The following DDX10 variants were observed in gnomAD, a reference collection of about 807,000 sequenced individuals.
The protein encoded by DDX10 is DEAD-box helicase 10, also known as probable ATP-dependent RNA helicase DDX10.
Under a neutral mutation model 104.3 loss-of-function variants are expected in DDX10, and 74 were observed. That is an observed-to-expected ratio of 0.71 (90% confidence interval 0.59 to 0.86). The LOEUF (loss-of-function observed/expected upper bound fraction) is 0.86. Among genes scored for constraint, DDX10 ranks in the 40% least tolerant of loss-of-function variants. The pLI, the probability that DDX10 is intolerant of heterozygous loss-of-function variation, is 0.00. For synonymous variants in DDX10, 351 were observed against 353.4 expected (o/e 0.99, Z 0.08); for missense variants, 952 against 1,040.0 (o/e 0.92, Z 1.16).
chr11:108,789,211 C>A (rs1316571580), intron 13 of DDX10, among the ~76,000 whole-genome samples: 1 of 152,132 alleles, frequency 6.6e-6, no homozygotes, highest in Non-Finnish European at 1.5e-5. Context: ...TCAATCAGAG[C>A]CAGAGATGAA....
chr11:108,694,051 T>C (rs2094256447), intron 9 of DDX10, among the ~76,000 whole-genome samples: 1 of 152,174 alleles, frequency 6.6e-6, no homozygotes, highest in South Asian at 2.1e-4. Context: ...GTGCATATGC[T>C]GGACAAAGGG....
Position 108,841,343 on chromosome 11 carries a change from A to C in DDX10, c.2114A>C (p.Lys705Thr), listed in dbSNP as rs751081656. 28 of 1,613,314 alleles carry C rather than the reference A, an allele frequency of 1.7e-5. No homozygotes were observed. The Admixed American group carries it at 3.3e-4, about 19-fold the overall frequency. ...ELVQQWPQMQ[K>T]SAIKDAEEDD... ...GTTCAGCAGTGGCCACAAATGCAGA[A>C]ATCTGCCATCAAGGATGCTGAGGAA... is the stretch of plus-strand genomic sequence containing the variant. The change falls in exon 15 of 18, where the codon AAA becomes ACA. Residue 705 changes from lysine to threonine, a missense_variant. Lys to Thr is a moderately conservative substitution (Grantham distance 78). Transcript: ENST00000322536.
intron 13 of DDX10, among the ~76,000 whole-genome samples, chr11:108,827,738 T>G (rs1275762383): frequency 6.6e-6 from 1 of 152,186 alleles, no homozygotes; most frequent in Non-Finnish European, 1.5e-5. Flanking sequence ...CAGCCGAAAC[T>G]TCTTCTCCTT....
chr11:108,792,933 C>G (rs1861890496), intron 13 of DDX10, among the ~76,000 whole-genome samples: 1 of 151,988 alleles, frequency 6.6e-6, no homozygotes, highest in Admixed American at 6.6e-5. Flanking sequence ...TTGTATGTGT[C>G]TTGTACAGAG....
intron 13 of DDX10, among the ~76,000 whole-genome samples, chr11:108,807,381 A>T (rs1862115723): frequency 6.6e-6 from 1 of 152,200 alleles, no homozygotes; most frequent in Admixed American, 6.5e-5. Context: ...AGCAATGTCA[A>T]GCCAGGTGAG....
At chr11:108,815,046 G>A (rs963320323) in intron 13 of DDX10, among the ~76,000 whole-genome samples, 2 of 152,008 alleles carry the variant, frequency 1.3e-5, no homozygotes, top group Admixed American at 6.6e-5. Flanking sequence ...ATTTTTATCA[G>A]CAATTCTTAT....
intron 16 of DDX10, among the ~76,000 whole-genome samples, chr11:108,861,655 G>A (rs1188743150): frequency 2.0e-5 from 3 of 152,160 alleles, no homozygotes; most frequent in Non-Finnish European, 4.4e-5. Flanking sequence ...TACTGGGAAG[G>A]AGTGTGAAGG....
At position 108,862,150 on chromosome 11, in the gene DDX10, C is replaced by T. The variant is rs143675198; in HGVS notation, c.2304+9941C>T. ...CCTCCCGCCTTAGCCTCCTGAGTAG[C>T]GAGGACTACGAGAATGTACCACCAA... is the stretch of plus-strand genomic sequence containing the variant. On this transcript the variant is annotated intron_variant, in intron 16 of 17. Coordinates refer to ENST00000322536, the MANE Select transcript of DDX10 (RefSeq NM_004398.4). 1.9e-4 allele frequency among the ~76,000 whole-genome samples: 29 copies of T among 152,208 alleles called. No individual in the cohort carries two copies. The East Asian group carries it at 4.4e-3, about 23-fold the overall frequency.
chr11:108,916,658 T>C (rs1863754624), intron 16 of DDX10, among the ~76,000 whole-genome samples: 1 of 152,216 alleles, frequency 6.6e-6, no homozygotes, highest in Non-Finnish European at 1.5e-5. Flanking sequence ...ATTGTAAAGA[T>C]GGTAACTGAA....
chr11:108,938,743 T>C (rs1336590818), intron 17 of DDX10, among the ~76,000 whole-genome samples: 1 of 152,158 alleles, frequency 6.6e-6, no homozygotes, highest in Non-Finnish European at 1.5e-5. Context: ...TTTCCTCCAG[T>C]GGTGAAAGAG....
At chr11:108,856,218 T>A (rs943144025) in intron 16 of DDX10, among the ~76,000 whole-genome samples, 1 of 152,132 alleles carries the variant, frequency 6.6e-6, no homozygotes, top group Non-Finnish European at 1.5e-5. Flanking sequence ...TCACCTGCGG[T>A]GAGGGGTTCA....
intron 16 of DDX10, among the ~76,000 whole-genome samples, chr11:108,875,605 A>G (rs757428480): frequency 1.3e-5 from 2 of 152,224 alleles, no homozygotes; most frequent in Non-Finnish European, 2.9e-5. Context: ...ACTAATGTTC[A>G]TCCACAACAA....
chr11:108,728,599 C>T (rs961705572), intron 13 of DDX10, among the ~76,000 whole-genome samples: 2 of 151,246 alleles, frequency 1.3e-5, no homozygotes, highest in Non-Finnish European at 2.9e-5. Context: ...ACTGTACCCC[C>T]AAACTCCCAG....
At chr11:108,913,982 A>G (rs1204218970) in intron 16 of DDX10, among the ~76,000 whole-genome samples, 2 of 152,228 alleles carry the variant, frequency 1.3e-5, no homozygotes, top group Non-Finnish European at 2.9e-5. Flanking sequence ...CACAGACAAT[A>G]TGGTATAGCA....
At chr11:108,870,982 A>G (rs1204639067) in intron 16 of DDX10, among the ~76,000 whole-genome samples, 1 of 152,236 alleles carries the variant, frequency 6.6e-6, no homozygotes, top group African/African-American at 2.4e-5. Flanking sequence ...ATTGAAAGGC[A>G]TAATAACTCT....
At chr11:108,839,673 T>C (rs1051730448) in intron 14 of DDX10, among the ~76,000 whole-genome samples, 3 of 152,228 alleles carry the variant, frequency 2.0e-5, no homozygotes, top group Non-Finnish European at 4.4e-5. Flanking sequence ...GATGTTATTT[T>C]GGGATGTATA....
At chr11:108,768,378 G>A (rs1422467808) in intron 13 of DDX10, among the ~76,000 whole-genome samples, 2 of 152,154 alleles carry the variant, frequency 1.3e-5, no homozygotes, top group African/African-American at 2.4e-5. Flanking sequence ...AGGAGAAAAG[G>A]TTTTCTCTTG....
At chr11:108,925,308 A>G (rs1399838243) in intron 17 of DDX10, among the ~76,000 whole-genome samples, 3 of 152,150 alleles carry the variant, frequency 2.0e-5, no homozygotes, top group Admixed American at 2.0e-4. Context: ...TCTTACTGTT[A>G]CTGTTTTTGC....
chr11:108,739,537 G>A (rs938944328), intron 13 of DDX10, among the ~76,000 whole-genome samples: 9 of 152,128 alleles, frequency 5.9e-5, no homozygotes, highest in African/African-American at 2.2e-4. Flanking sequence ...TCTCAGGTTT[G>A]CCTGTCATTA....
Sources: allele counts gnomAD v4.1 joint callset (sites outside exome capture counted in the v4.1 genomes callset), GRCh38; gene constraint gnomAD v4.1.1; transcripts MANE v1.5; gene names NCBI Gene and HGNC (gene_info 2026-07-23, HGNC 2026-07-21).